Variants in NBAS observed in about 807,000 individuals in gnomAD.
NBAS encodes NAG/BC035112 fusion.
NBAS carries 219 observed loss-of-function variants against 302.5 expected under a neutral mutation model. The observed-to-expected ratio is 0.72, with a 90% CI of 0.65 to 0.81. NBAS has a LOEUF of 0.81. NBAS is among the 30% of genes least tolerant of loss of function. NBAS has a pLI of 0.00. For synonymous variants in NBAS, 1,118 were observed against 1,021.6 expected (o/e 1.09, Z -1.80); for missense variants, 2,932 against 2,841.6 (o/e 1.03, Z -0.72).
the NBAS span, among the ~76,000 whole-genome samples, chr2:15,009,935 C>G: frequency 2.5e-4 from 38 of 152,212 alleles, no homozygotes; most frequent in Non-Finnish European, 5.0e-4. Context: ...CCCAACTTCT[C>G]TTCTGGAGAG....
At chr2:15,293,146 C>T (rs771903799) in intron 40 of NBAS, among the ~76,000 whole-genome samples, 7 of 152,166 alleles carry the variant, frequency 4.6e-5, no homozygotes, top group East Asian at 1.9e-4. Flanking sequence ...TAATTTTCAT[C>T]GCCATTGCCT....
chr2:14,808,339 T>C, the NBAS span, among the ~76,000 whole-genome samples: 2 of 152,224 alleles, frequency 1.3e-5, no homozygotes. Context: ...GAGAGACAGC[T>C]GGTGAAATGG....
chr2:15,025,136 T>C, the NBAS span, among the ~76,000 whole-genome samples: 1 of 152,224 alleles, frequency 6.6e-6, no homozygotes, highest in Non-Finnish European at 1.5e-5. Flanking sequence ...TGAGTTGATT[T>C]TTGTATATGG....
chr2:15,261,056 A>T (rs1444593691), intron 44 of NBAS, among the ~76,000 whole-genome samples: 1 of 152,240 alleles, frequency 6.6e-6, no homozygotes, highest in Non-Finnish European at 1.5e-5. Flanking sequence ...TGATGATAAC[A>T]GGATGGCTTG....
At chr2:15,545,025 A>G (rs1046344910) in intron 6 of NBAS, among the ~76,000 whole-genome samples, 8 of 147,460 alleles carry the variant, frequency 5.4e-5, no homozygotes, top group Admixed American at 6.9e-5. Context: ...AAAAAAAAAT[A>G]TATCCAATAC....
rs117613401 is a variant in NBAS at position 15,271,881 on chromosome 2, A to G, written c.5724+3603T>C. ...CTTATAACAGCTGAATTGACAAGCA[A>G]TAGAGGAGCAACTCTAATCTGATTC... On this transcript the variant is annotated intron_variant, in intron 44 of 51. Transcript: ENST00000281513. 4.4e-4 allele frequency among the ~76,000 whole-genome samples: 67 copies of G among 152,318 alleles called. No individual in the cohort carries two copies. The East Asian group carries it at 0.012, about 27-fold the overall frequency.
the NBAS span, among the ~76,000 whole-genome samples, chr2:14,821,426 C>A: frequency 6.6e-6 from 1 of 152,204 alleles, no homozygotes; most frequent in Non-Finnish European, 1.5e-5. Context: ...TTGATGCTGA[C>A]ATCCACCCTG....
At chr2:15,151,716 C>G in the NBAS span, among the ~76,000 whole-genome samples, 1 of 152,200 alleles carries the variant, frequency 6.6e-6, no homozygotes, top group South Asian at 2.1e-4. Context: ...GGCTCATTTT[C>G]GATATATTTG....
At chr2:15,075,823 G>A in the NBAS span, among the ~76,000 whole-genome samples, 3 of 151,820 alleles carry the variant, frequency 2.0e-5, no homozygotes, top group Non-Finnish European at 4.4e-5. Flanking sequence ...CACAGAAAAC[G>A]GTATCCTTAC....
the NBAS span, among the ~76,000 whole-genome samples, chr2:14,917,251 G>A: frequency 4.6e-5 from 7 of 152,178 alleles, no homozygotes; most frequent in Non-Finnish European, 8.8e-5. Flanking sequence ...GGTTGGGGAA[G>A]AATCTGCTGC....
chr2:15,011,191 G>A, the NBAS span, among the ~76,000 whole-genome samples: 11 of 152,142 alleles, frequency 7.2e-5, no homozygotes, highest in Admixed American at 6.5e-4. Flanking sequence ...ATGGTTTAGG[G>A]TAGATAGGAT....
In NBAS at chr2:15,257,491, C is replaced by T. The variant is rs566197376; in HGVS notation, c.5724+17993G>A. ...CACTGCAACCTCTGCCTCCCGCATT[C>T]GAGAGATTCTCCTGCCTCAGCCTCC... On this transcript the variant is annotated intron_variant, in intron 44 of 51. Coordinates refer to ENST00000281513, the MANE Select transcript of NBAS (RefSeq NM_015909.4). Among the ~76,000 whole-genome samples the T allele has an allele frequency of 1.6e-4, 24 of 150,712 alleles. No individual in the cohort carries two copies. In the South Asian group the frequency reaches 4.4e-3, roughly 28 times the overall value.
the NBAS span, among the ~76,000 whole-genome samples, chr2:15,002,885 A>G: frequency 2.0e-5 from 3 of 152,196 alleles, no homozygotes; most frequent in Non-Finnish European, 1.5e-5. Context: ...CACAAGCGCC[A>G]CGCGCAGCCC....
the NBAS span, among the ~76,000 whole-genome samples, chr2:14,813,474 C>T: frequency 6.6e-6 from 1 of 152,070 alleles, no homozygotes; most frequent in Non-Finnish European, 1.5e-5. Context: ...AGCGTTGTGC[C>T]CCTGCTCTAT....
intron 36 of NBAS, among the ~76,000 whole-genome samples, chr2:15,329,184 T>C (rs971506638): frequency 6.6e-6 from 1 of 152,220 alleles, no homozygotes; most frequent in Non-Finnish European, 1.5e-5. Context: ...CAAGGTTTAT[T>C]GTGGTTACTT....
rs150956413 is a variant in NBAS, at chr2:15,214,046, T to C, written c.6432+4727A>G. On this transcript the variant is annotated intron_variant, in intron 48 of 51. Coordinates refer to ENST00000281513, the MANE Select transcript of NBAS (RefSeq NM_015909.4). ...AGCACCAGGCCACTCTATAAGGAAA[T>C]CTTCCCATTATTCCAAGCAAATCAT... Among the ~76,000 whole-genome samples the C allele has an allele frequency of 3.1e-3, 470 of 152,274 alleles. 2 individuals are homozygous for C. The highest frequency in any genetic ancestry group is 0.011 in the African/African-American group (441 of 41,556).
intron 9 of NBAS, among the ~76,000 whole-genome samples, chr2:15,517,052 C>T (rs1662427944): frequency 2.0e-5 from 3 of 151,958 alleles, no homozygotes; most frequent in African/African-American, 2.4e-5. Context: ...CCACAAACTG[C>T]TCCAAGGAAA....
intron 44 of NBAS, among the ~76,000 whole-genome samples, chr2:15,257,365 C>T (rs1668646502): frequency 6.7e-6 from 1 of 148,868 alleles, no homozygotes; most frequent in African/African-American, 2.5e-5. Context: ...TTTTGTGTTT[C>T]TGTGGTATCA....
chr2:15,467,813 A>G lies in NBAS; in HGVS notation c.1878-9T>C. The G allele has an allele frequency of 1.3e-6, 2 of 1,569,718 alleles. No homozygotes were observed. Among genetic ancestry groups the G allele is most frequent in the East Asian group, 2.2e-5 (1 of 44,530 alleles). ...CACCAGGTAATGTAAATCTGCAAGT[A>G]TAAAAGAACAAATATATTTTCATCA... On this transcript the variant is annotated splice_polypyrimidine_tract_variant and intron_variant, in intron 17 of 51. Coordinates refer to ENST00000281513, the MANE Select transcript of NBAS (RefSeq NM_015909.4).
Sources: allele counts gnomAD v4.1 joint callset (sites outside exome capture counted in the v4.1 genomes callset), GRCh38; gene constraint gnomAD v4.1.1; transcripts MANE v1.5; gene names NCBI Gene and HGNC (gene_info 2026-07-23, HGNC 2026-07-21).